HTR1D: variants seen among roughly 807,000 people sequenced by gnomAD.
The protein encoded by HTR1D is 5-hydroxytryptamine receptor 1D.
A neutral mutation model predicts 21.1 loss-of-function variants in HTR1D; 18 were observed. The ratio of observed to expected loss-of-function variants is 0.85; its 90% CI spans 0.59 to 1.27. The LOEUF (loss-of-function observed/expected upper bound fraction) is 1.27. Among genes scored for constraint, HTR1D ranks in the 50% most tolerant of loss-of-function variants. HTR1D has a pLI of 0.00. For synonymous variants in HTR1D, 196 were observed against 204.4 expected (o/e 0.96, Z 0.35); for missense variants, 456 against 481.4 (o/e 0.95, Z 0.49).
intron 1 of HTR1D, among the ~76,000 whole-genome samples, chr1:23,196,959 C>T (rs951016549): frequency 1.6e-4 from 25 of 152,064 alleles, no homozygotes; most frequent in Admixed American, 1.5e-3. Flanking sequence ...AAGTTTTGCT[C>T]CCATTTTGGT....
At position 23,193,078 on chromosome 1, in the gene HTR1D, G is replaced by A. The variant is rs373557996; in HGVS notation, c.*8C>T. ...ACAAAAGATAACAAGAGTCATCACC[G>A]AATAAGACTAGGAGGCCTTCCGGAA... On this transcript the variant is annotated 3_prime_UTR_variant, in exon 2 of 2. Coordinates refer to ENST00000374619, the MANE Select transcript of HTR1D (RefSeq NM_000864.5). 2.8e-5 allele frequency: 44 copies of A among 1,579,698 alleles called. No homozygotes were observed. The highest frequency in any genetic ancestry group is 3.4e-4 in the Middle Eastern group (2 of 5,934).
chr1:23,215,148 G>T (rs941454523), intron 1 of HTR1D, among the ~76,000 whole-genome samples: 3 of 152,214 alleles, frequency 2.0e-5, no homozygotes, highest in African/African-American at 7.2e-5. Context: ...CAGGCTCCAT[G>T]GCTCATACCT....
rs1367249252 is a variant in HTR1D at position 23,194,437 on chromosome 1, A to T, written c.-218T>A. ...AATAATAATAATAATATTAAACAAG[A>T]CCGGACTATTTGAAGAATGCTGAGA... On this transcript the variant is annotated 5_prime_UTR_variant, in exon 2 of 2. Transcript: ENST00000374619. 9 of 332,812 alleles carry T rather than the reference A, an allele frequency of 2.7e-5. No individual in the cohort carries two copies. Among genetic ancestry groups the T allele is most frequent in the Non-Finnish European group, 5.1e-5 (9 of 175,990 alleles). The allele number at this position is 332,812 out of a possible 1,614,324, so 20.6% of individuals were successfully genotyped here.
chr1:23,195,786 C>T (rs1644686460), intron 1 of HTR1D, among the ~76,000 whole-genome samples: 1 of 151,940 alleles, frequency 6.6e-6, no homozygotes, highest in Admixed American at 6.6e-5. Flanking sequence ...TCTGGTTGTT[C>T]ATTTGAATCC....
intron 1 of HTR1D, among the ~76,000 whole-genome samples, chr1:23,207,759 CTTT>C (rs532795222): frequency 7.2e-5 from 9 of 124,832 alleles, no homozygotes; most frequent in Non-Finnish European, 3.3e-5. Flanking sequence ...GCAAGAGCCT[CTTT>C]TTTTTTTTTT....
chr1:23,211,830 T>TA (rs967935742), intron 1 of HTR1D, among the ~76,000 whole-genome samples: 3 of 151,536 alleles, frequency 2.0e-5, no homozygotes, highest in South Asian at 2.1e-4. Context: ...TGGCAAATTT[T>TA]AAAAAAATTT....
At chr1:23,204,961 A>C (rs1208613455) in intron 1 of HTR1D, among the ~76,000 whole-genome samples, 1 of 152,246 alleles carries the variant, frequency 6.6e-6, no homozygotes, top group Non-Finnish European at 1.5e-5. Context: ...TTATAGCAGC[A>C]CAATTCGCAA....
In HTR1D at chr1:23,193,513, C is replaced by T; in HGVS notation, c.707G>A (p.Gly236Glu). 1 of 1,613,956 alleles carries T rather than the reference C, an allele frequency of 6.2e-7. No homozygotes were observed. The highest frequency in any genetic ancestry group is 8.5e-7 in the Non-Finnish European group (1 of 1,179,898). The change falls in exon 2 of 2, where the codon GGG becomes GAG. Residue 236 changes from glycine to glutamate, a missense_variant. By Grantham distance (98) the Gly-to-Glu change is moderately conservative. Transcript: ENST00000374619. ...NRILNPPSLY[G>E]KRFTTAHLIT... is the part of the protein sequence containing the mutation. ...GAGGTGGGCCGTGGTGAAGCGCTTC[C>T]CATAGAGTGAGGGTGGATTCAGGAT...
chr1:23,203,756 A>G (rs1644718888), intron 1 of HTR1D, among the ~76,000 whole-genome samples: 1 of 152,330 alleles, frequency 6.6e-6, no homozygotes, highest in Non-Finnish European at 1.5e-5. Flanking sequence ...CAAGAAAAAC[A>G]TGTGTGTACG....
intron 1 of HTR1D, among the ~76,000 whole-genome samples, chr1:23,203,908 G>A (rs1644719501): frequency 6.6e-6 from 1 of 152,140 alleles, no homozygotes. Flanking sequence ...ACTTTGGGAG[G>A]CCAAGGCAGA....
intron 1 of HTR1D, among the ~76,000 whole-genome samples, chr1:23,215,659 G>C (rs1206079137): frequency 6.6e-6 from 1 of 152,208 alleles, no homozygotes; most frequent in Non-Finnish European, 1.5e-5. Context: ...ATGAGCCAGT[G>C]GTCCCGCCCT....
intron 1 of HTR1D, among the ~76,000 whole-genome samples, chr1:23,210,421 G>A (rs546344509): frequency 1.3e-5 from 2 of 152,320 alleles, no homozygotes; most frequent in South Asian, 2.1e-4. Context: ...CCTGCCACAC[G>A]GTGGTTGTGT....
At chr1:23,199,453 T>TAG (rs1644701986) in intron 1 of HTR1D, among the ~76,000 whole-genome samples, 2 of 106,368 alleles carry the variant, frequency 1.9e-5, no homozygotes, top group Non-Finnish European at 3.6e-5. Flanking sequence ...TTTTTTTTTT[T>TAG]AGAGAGAGGG....
intron 1 of HTR1D, among the ~76,000 whole-genome samples, chr1:23,200,907 C>G (rs181938417): frequency 6.6e-6 from 1 of 152,172 alleles, no homozygotes; most frequent in Non-Finnish European, 1.5e-5. Flanking sequence ...AAGGACCTTT[C>G]TCGGCCCCCA....
chr1:23,204,073 G>A (rs973427741), intron 1 of HTR1D, among the ~76,000 whole-genome samples: 3 of 151,946 alleles, frequency 2.0e-5, no homozygotes, highest in Non-Finnish European at 2.9e-5. Flanking sequence ...TGAGGCCTCC[G>A]CAGCCATGTG....
Position 23,194,768 on chromosome 1 carries a change from G to T in HTR1D, c.-549C>A, listed in dbSNP as rs568442904. ...GAGCTTTTAAAACTAGACACAAAAA[G>T]AAGTTCCAGCCGATTCAGAGAAGCA... On this transcript the variant is annotated 5_prime_UTR_variant, in exon 2 of 2. Transcript: ENST00000374619. 1 of 162,972 alleles carries T rather than the reference G, an allele frequency of 6.1e-6. No individual in the cohort carries two copies. The highest frequency in any genetic ancestry group is 2.1e-4 in the South Asian group (1 of 4,832). 10.1% of individuals were successfully genotyped at this position (162,972 alleles called of 1,614,324 possible). A position where few individuals can be genotyped will look rare whatever the true frequency, so the allele number is the denominator to read the frequency against.
At chr1:23,203,695 TAA>T (rs768388784) in intron 1 of HTR1D, among the ~76,000 whole-genome samples, 3 of 151,926 alleles carry the variant, frequency 2.0e-5, no homozygotes, top group East Asian at 3.9e-4. Flanking sequence ...ACATAGAAAA[TAA>T]AAAGTCACCA....
chr1:23,207,983 G>A (rs959473111), intron 1 of HTR1D, among the ~76,000 whole-genome samples: 1 of 151,996 alleles, frequency 6.6e-6, no homozygotes, highest in Admixed American at 6.6e-5. Context: ...GGCTGGTCTC[G>A]AACTCTTGAC....
chr1:23,207,765 T>C (rs1056269991), intron 1 of HTR1D, among the ~76,000 whole-genome samples: 1 of 150,292 alleles, frequency 6.7e-6, no homozygotes, highest in Non-Finnish European at 1.5e-5. Flanking sequence ...GCCTCTTTTT[T>C]TTTTTTTTTT....
Sources: gnomAD v4.1 joint callset for allele counts (sites outside exome capture counted in the v4.1 genomes callset) on GRCh38, gnomAD v4.1.1 for gene constraint, MANE v1.5 for transcripts, NCBI Gene and HGNC (gene_info 2026-07-23, HGNC 2026-07-21) for gene names.